The following ENTREP2 variants were observed in gnomAD, a reference collection of about 807,000 sequenced individuals.
ENTREP2 encodes the protein protein ENTREP2.
the ENTREP2 span, among the ~76,000 whole-genome samples, chr15:29,134,590 C>T: frequency 6.6e-6 from 1 of 152,188 alleles, no homozygotes; most frequent in Non-Finnish European, 1.5e-5. Context: ...AATGCGCTGT[C>T]CATATATGAC....
chr15:29,319,479 C>T, the ENTREP2 span, among the ~76,000 whole-genome samples: 1 of 152,186 alleles, frequency 6.6e-6, no homozygotes, highest in African/African-American at 2.4e-5. Flanking sequence ...TGCCCCTGGA[C>T]TAGGGAAGCG....
At chr15:29,449,590 C>G in the ENTREP2 span, among the ~76,000 whole-genome samples, 19 of 152,324 alleles carry the variant, frequency 1.2e-4, no homozygotes, top group African/African-American at 4.3e-4. Flanking sequence ...TAAAGAACCA[C>G]TCTGAAGCAC....
the ENTREP2 span, among the ~76,000 whole-genome samples, chr15:29,448,249 CG>C: frequency 6.6e-6 from 1 of 152,152 alleles, no homozygotes; most frequent in African/African-American, 2.4e-5. Flanking sequence ...AACAGCACCT[CG>C]GGGAGGGAGC....
At chr15:29,389,197 A>G in the ENTREP2 span, among the ~76,000 whole-genome samples, 4 of 151,382 alleles carry the variant, frequency 2.6e-5, no homozygotes, top group Non-Finnish European at 4.4e-5. Context: ...AGCCCTCACC[A>G]GAAACCAAGC....
At chr15:29,213,506 A>G in the ENTREP2 span, among the ~76,000 whole-genome samples, 2 of 152,094 alleles carry the variant, frequency 1.3e-5, no homozygotes, top group African/African-American at 2.4e-5. Flanking sequence ...GGTCCTTCAC[A>G]TCCCTTGTAA....
the ENTREP2 span, among the ~76,000 whole-genome samples, chr15:29,255,293 G>A: frequency 6.6e-6 from 1 of 152,092 alleles, no homozygotes; most frequent in Non-Finnish European, 1.5e-5. Flanking sequence ...TTATGTTTCT[G>A]ATTTAAATTC....
the ENTREP2 span, among the ~76,000 whole-genome samples, chr15:29,123,998 T>C: frequency 4.6e-5 from 7 of 152,366 alleles, no homozygotes; most frequent in East Asian, 1.3e-3. Context: ...CCTTTGGGTC[T>C]GATCTCTTGC....
chr15:29,568,544 T>A, the ENTREP2 span, among the ~76,000 whole-genome samples: 1 of 149,914 alleles, frequency 6.7e-6, no homozygotes, highest in Admixed American at 6.7e-5. Context: ...AAAAAAAAAA[T>A]GTTTTTAGTA....
chr15:29,192,048 G>A, the ENTREP2 span, among the ~76,000 whole-genome samples: 725 of 152,308 alleles, frequency 4.8e-3, 2 homozygotes, highest in Middle Eastern at 0.01. Flanking sequence ...GTGGGAAAGA[G>A]AGCTCTGGAA....
chr15:29,536,332 T>C, the ENTREP2 span, among the ~76,000 whole-genome samples: 1 of 152,140 alleles, frequency 6.6e-6, no homozygotes, highest in Non-Finnish European at 1.5e-5. Context: ...AAGATACTCT[T>C]ACCAGCAGAG....
the ENTREP2 span, among the ~76,000 whole-genome samples, chr15:29,489,380 G>A: frequency 7.9e-5 from 12 of 152,180 alleles, no homozygotes; most frequent in South Asian, 2.1e-4. Context: ...AAGGACATGA[G>A]TTACCTGCCA....
the ENTREP2 span, chr15:29,128,879 A>G: frequency 1.3e-6 from 2 of 1,545,148 alleles, no homozygotes; most frequent in Non-Finnish European, 8.7e-7. Flanking sequence ...AGTAAGAAAC[A>G]GAAAGCGTCA....
At chr15:29,352,355 G>A in the ENTREP2 span, among the ~76,000 whole-genome samples, 1 of 152,180 alleles carries the variant, frequency 6.6e-6, no homozygotes, top group East Asian at 1.9e-4. Flanking sequence ...AGTGGGTGGT[G>A]TATAAGGCAA....
At chr15:29,176,361 G>A in the ENTREP2 span, among the ~76,000 whole-genome samples, 1 of 152,138 alleles carries the variant, frequency 6.6e-6, no homozygotes, top group Non-Finnish European at 1.5e-5. Flanking sequence ...AGTTCTCAGT[G>A]TGTGCAGCTG....
chr15:29,560,606 C>T, the ENTREP2 span, among the ~76,000 whole-genome samples: 4 of 152,106 alleles, frequency 2.6e-5, no homozygotes, highest in South Asian at 4.2e-4. Context: ...CTTGCTGCTC[C>T]GCCACACCTC....
At chr15:29,345,361 G>T in the ENTREP2 span, among the ~76,000 whole-genome samples, 1 of 152,110 alleles carries the variant, frequency 6.6e-6, no homozygotes, top group East Asian at 1.9e-4. Flanking sequence ...GGGGCTAGCG[G>T]GGAGCAGAGA....
chr15:29,472,212 C>G, the ENTREP2 span, among the ~76,000 whole-genome samples: 3 of 152,042 alleles, frequency 2.0e-5, no homozygotes, highest in South Asian at 6.2e-4. Flanking sequence ...ACTCTGGGGA[C>G]GCTTAAATGC....
At chr15:29,621,383 C>T in the ENTREP2 span, among the ~76,000 whole-genome samples, 8 of 151,412 alleles carry the variant, frequency 5.3e-5, no homozygotes, top group Middle Eastern at 6.8e-3. Context: ...ATTAGCCAGG[C>T]GTGGTGGCGG....
chr15:29,303,571 G>A, the ENTREP2 span, among the ~76,000 whole-genome samples: 1 of 151,998 alleles, frequency 6.6e-6, no homozygotes, highest in Non-Finnish European at 1.5e-5. Flanking sequence ...GGGTTGTTGT[G>A]CAGGTTATTT....
Sources: allele counts gnomAD v4.1 joint callset (sites outside exome capture counted in the v4.1 genomes callset), GRCh38; gene constraint gnomAD v4.1.1; transcripts MANE v1.5; gene names NCBI Gene and HGNC (gene_info 2026-07-23, HGNC 2026-07-21).